PTPRN2: variants seen among roughly 807,000 people sequenced by gnomAD.
The protein encoded by PTPRN2 is protein tyrosine phosphatase receptor type N2.
A neutral mutation model predicts 118.8 loss-of-function variants in PTPRN2; 74 were observed. The ratio of observed to expected loss-of-function variants is 0.62; its 90% CI spans 0.52 to 0.76. The LOEUF (loss-of-function observed/expected upper bound fraction) is 0.76, where lower values mean the gene tolerates loss of function less well. PTPRN2 is among the 30% of genes least tolerant of loss of function. The pLI is 0.00. For synonymous variants in PTPRN2, 641 were observed against 608.0 expected, an observed-to-expected ratio of 1.05 and a Z score of -0.80; for missense variants, 1,481 against 1,394.4, an observed-to-expected ratio of 1.06 and a Z score of -0.99.
In PTPRN2 at chr7:157,682,714, T is replaced by C; in HGVS notation, c.2001+11A>G. On this transcript the variant is annotated intron_variant, in intron 13 of 22. Transcript: ENST00000389418. ...ATCCGATATACCACTTTTTAAAAAG[T>C]CTCCTCTTACCTGGTAGGCGGCAGT... 6.2e-7 allele frequency: 1 copy of C among 1,608,496 alleles called. No individual in the cohort carries two copies. Among genetic ancestry groups the C allele is most frequent in the Non-Finnish European group, 8.5e-7 (1 of 1,175,892 alleles).
intron 13 of PTPRN2, among the ~76,000 whole-genome samples, chr7:157,672,509 C>T (rs1205656885): frequency 6.6e-6 from 1 of 152,152 alleles, no homozygotes; most frequent in South Asian, 2.1e-4. Flanking sequence ...TCTCTGGTTT[C>T]AGGGTGCGTT....
intron 12 of PTPRN2, among the ~76,000 whole-genome samples, chr7:157,753,822 C>T (rs185724128): frequency 6.6e-6 from 1 of 152,298 alleles, no homozygotes; most frequent in East Asian, 1.9e-4. Flanking sequence ...GCCCTGCCCA[C>T]CTCCCCATCC....
At chr7:158,064,150 C>T (rs1320561846) in intron 11 of PTPRN2, among the ~76,000 whole-genome samples, 1 of 152,220 alleles carries the variant, frequency 6.6e-6, no homozygotes, top group East Asian at 1.9e-4. Flanking sequence ...CAAACCTTCC[C>T]ACATACGAGG....
chr7:158,340,329 AC>A lies in PTPRN2; in HGVS notation c.164-23398del, dbSNP rs1462477089. ...GCTGACACCCACAGACATCACTCAC[AC>A]CCACACTGTCACCATAAGAGCTGAG... On this transcript the variant is annotated intron_variant, in intron 2 of 22. Transcript: ENST00000389418. Among the ~76,000 whole-genome samples the A allele has an allele frequency of 2.0e-3, 206 of 102,142 alleles. 1 individual carries two copies. Among genetic ancestry groups the A allele is most frequent in the African/African-American group, 7.2e-3 (197 of 27,522 alleles). 67.0% of individuals were successfully genotyped at this position (102,142 alleles called of 152,430 possible).
Position 158,499,640 on chromosome 7 carries a change from G to A in PTPRN2, c.113-9855C>T, listed in dbSNP as rs180890277. ...TACAAAATTAGCTGGGCATGGTGGT[G>A]CATGCCTATAATCCCAGCTACTTGG... On this transcript the variant is annotated intron_variant, in intron 1 of 22. Transcript: ENST00000389418. Among the ~76,000 whole-genome samples the A allele has an allele frequency of 3.3e-5, 5 of 152,248 alleles. No individual in the cohort carries two copies. In the East Asian group the frequency reaches 5.8e-4, roughly 18 times the overall value.
At chr7:158,136,597 A>G (rs1818840978) in intron 8 of PTPRN2, 58 bp downstream of exon 8, 1 of 1,561,868 alleles carries the variant, frequency 6.4e-7, no homozygotes, top group African/African-American at 1.4e-5. Context: ...CACCATGAAC[A>G]AAAAGATCAC....
At chr7:157,553,402 G>A (rs1175693329) in intron 21 of PTPRN2, among the ~76,000 whole-genome samples, 1 of 152,220 alleles carries the variant, frequency 6.6e-6, no homozygotes, top group Admixed American at 6.5e-5. Context: ...AGGTGTGGGC[G>A]AGGAAGGGGC....
intron 1 of PTPRN2, among the ~76,000 whole-genome samples, chr7:158,551,144 C>T (rs1826629240): frequency 1.3e-5 from 2 of 152,240 alleles, no homozygotes; most frequent in African/African-American, 2.4e-5. Context: ...ACTGGAGGTC[C>T]AAGATCAGGG....
At chr7:157,770,100 C>T (rs2151023822) in intron 12 of PTPRN2, among the ~76,000 whole-genome samples, 1 of 152,342 alleles carries the variant, frequency 6.6e-6, no homozygotes, top group African/African-American at 2.4e-5. Context: ...CCACCGGCCC[C>T]GGTGAATGCT....
At chr7:157,739,225 C>T (rs1210160297) in intron 12 of PTPRN2, 3 of 152,208 alleles carry the variant, frequency 2.0e-5, no homozygotes, top group African/African-American at 7.2e-5. Context: ...CTCTCAGTCT[C>T]GTCTGAAACT....
At chr7:157,679,095 G>A (rs1796800378) in intron 13 of PTPRN2, among the ~76,000 whole-genome samples, 1 of 151,992 alleles carries the variant, frequency 6.6e-6, no homozygotes, top group Non-Finnish European at 1.5e-5. Flanking sequence ...GTACATGTGT[G>A]TATAAATATA....
chr7:157,750,039 C>G (rs528584513), intron 12 of PTPRN2, among the ~76,000 whole-genome samples: 1 of 152,072 alleles, frequency 6.6e-6, no homozygotes, highest in Non-Finnish European at 1.5e-5. Context: ...AGGCCTGCTT[C>G]TCTGTGCTGT....
intron 1 of PTPRN2, among the ~76,000 whole-genome samples, chr7:158,491,195 C>A (rs1312783319): frequency 1.4e-4 from 22 of 152,230 alleles, no homozygotes; most frequent in Non-Finnish European, 3.1e-4. Context: ...CAGGACCCAA[C>A]GCTGGGAGTT....
At chr7:157,728,426 C>A (rs1171625740) in intron 12 of PTPRN2, among the ~76,000 whole-genome samples, 1 of 152,232 alleles carries the variant, frequency 6.6e-6, no homozygotes, top group South Asian at 2.1e-4. Flanking sequence ...GCGCCCATGG[C>A]GGCTGGGGTT....
At position 158,574,256 on chromosome 7, in the gene PTPRN2, T is replaced by G. The variant is rs950606098; in HGVS notation, c.112+13302A>C. 6.6e-6 allele frequency among the ~76,000 whole-genome samples: 1 copy of G among 152,232 alleles called. No individual in the cohort carries two copies. Among genetic ancestry groups the G allele is most frequent in the African/African-American group, 2.4e-5 (1 of 41,462 alleles). ...CTTAAAAACTAAGTATCTAAAATGT[T>G]ATTAATCACATTAATAAAAATTTTA... On this transcript the variant is annotated intron_variant, in intron 1 of 22. Coordinates refer to ENST00000389418, the MANE Select transcript of PTPRN2 (RefSeq NM_002847.5). The surrounding 1 kb of genome is among the most constrained non-coding windows in gnomAD (Gnocchi z 4.6).
At chr7:158,315,006 C>T (rs1586221480) in intron 3 of PTPRN2, among the ~76,000 whole-genome samples, 1 of 144,816 alleles carries the variant, frequency 6.9e-6, no homozygotes, top group African/African-American at 2.6e-5. Flanking sequence ...CCGGGACCCC[C>T]TGAAGGACAG....
In PTPRN2 at chr7:157,903,799, A is replaced by G. The variant is rs533967670; in HGVS notation, c.1724-5062T>C. ...CTGGCAGTGGCTACATTCCTGCCAC[A>G]CACCAAGTGCCGGCGCAAGCGCTTC... On this transcript the variant is annotated intron_variant, in intron 11 of 22. Coordinates refer to ENST00000389418, the MANE Select transcript of PTPRN2 (RefSeq NM_002847.5). This position sits in a 1 kb window ranked among gnomAD's most constrained non-coding sequence, Gnocchi z 4.2. 1.2e-4 allele frequency among the ~76,000 whole-genome samples: 18 copies of G among 152,324 alleles called. No homozygotes were observed. In the South Asian group the frequency reaches 3.7e-3, roughly 32 times the overall value.
intron 12 of PTPRN2, among the ~76,000 whole-genome samples, chr7:157,838,194 C>T (rs1480784756): frequency 6.8e-6 from 1 of 146,890 alleles, no homozygotes. Flanking sequence ...GTGGATGGTA[C>T]GGGAGAAAGC....
chr7:158,362,655 A>C (rs947492647), intron 2 of PTPRN2, among the ~76,000 whole-genome samples: 30 of 152,106 alleles, frequency 2.0e-4, no homozygotes, highest in Non-Finnish European at 3.4e-4. Context: ...TATTCTAAGG[A>C]GATAACTGGA....
Sources: allele counts gnomAD v4.1 joint callset (sites outside exome capture counted in the v4.1 genomes callset), GRCh38; gene constraint gnomAD v4.1.1; non-coding constraint Gnocchi (gnomAD v3.1); transcripts MANE v1.5; gene names NCBI Gene and HGNC (gene_info 2026-07-23, HGNC 2026-07-21).